Variants in TTC7B observed in about 807,000 individuals in gnomAD.
The protein encoded by TTC7B is tetratricopeptide repeat domain 7B, also known as tetratricopeptide repeat protein 7B.
A neutral mutation model predicts 106.8 loss-of-function variants in TTC7B; 28 were observed. The observed-to-expected ratio is 0.26, with a 90% confidence interval of 0.19 to 0.36. TTC7B has a LOEUF of 0.36. TTC7B is among the 10% of genes least tolerant of loss of function. The pLI is 1.00. For synonymous variants in TTC7B, 405 were observed against 430.6 expected, an observed-to-expected ratio of 0.94 and a Z score of 0.74; for missense variants, 862 against 1,076.4, an observed-to-expected ratio of 0.80 and a Z score of 2.79.
chr14:90,707,045 T>C (rs978078462), intron 5 of TTC7B, among the ~76,000 whole-genome samples: 1 of 152,232 alleles, frequency 6.6e-6, no homozygotes, highest in Admixed American at 6.5e-5. Context: ...AATCTGCTTT[T>C]TCCTTTCTTC....
chr14:90,654,204 C>A (rs191176841), intron 12 of TTC7B, among the ~76,000 whole-genome samples: 24 of 152,198 alleles, frequency 1.6e-4, no homozygotes, highest in African/African-American at 5.3e-4. Flanking sequence ...GGAGGGCTCC[C>A]CAGGGGGCTG....
At chr14:90,574,647 CTT>C (rs1451068252) in intron 19 of TTC7B, among the ~76,000 whole-genome samples, 1 of 152,230 alleles carries the variant, frequency 6.6e-6, no homozygotes, top group Non-Finnish European at 1.5e-5. Context: ...TGCATTTCTG[CTT>C]AAGCCATAGC....
intron 19 of TTC7B, among the ~76,000 whole-genome samples, chr14:90,550,655 G>A (rs944027153): frequency 9.9e-5 from 15 of 152,168 alleles, no homozygotes; most frequent in African/African-American, 1.9e-4. Flanking sequence ...TAGTGACTCC[G>A]AGAGGAGGGG....
At position 90,647,254 on chromosome 14, in the gene TTC7B, C is replaced by T. The variant is rs1885499914; in HGVS notation, c.1518-231G>A. Reference sequence around the variant, plus strand: ...GAGTGCATTTCTGTGTTTTGTCTAGCATCTAAAATGGCAGCTGAAGCTTGT... The same window carrying T: ...GAGTGCATTTCTGTGTTTTGTCTAGTATCTAAAATGGCAGCTGAAGCTTGT... On this transcript the variant is annotated intron_variant, in intron 13 of 19. Transcript: ENST00000328459. 6 of 481,372 alleles carry T rather than the reference C, an allele frequency of 1.2e-5. No individual in the cohort carries two copies. The South Asian group carries it at 1.4e-4, about 12-fold the overall frequency. 29.8% of individuals were successfully genotyped at this position (481,372 alleles called of 1,614,324 possible).
At chr14:90,781,229 C>A (rs1217202899) in intron 2 of TTC7B, among the ~76,000 whole-genome samples, 2 of 152,166 alleles carry the variant, frequency 1.3e-5, no homozygotes, top group Non-Finnish European at 2.9e-5. Flanking sequence ...TTGTATGCTT[C>A]CACGTGTATG....
chr14:90,758,586 C>T (rs940164976), intron 3 of TTC7B, among the ~76,000 whole-genome samples: 6 of 152,226 alleles, frequency 3.9e-5, no homozygotes, highest in Non-Finnish European at 8.8e-5. Context: ...CGACCCCTGG[C>T]GGCGGCTGCC....
chr14:90,572,421 A>C (rs1891070580), intron 19 of TTC7B, among the ~76,000 whole-genome samples: 1 of 152,200 alleles, frequency 6.6e-6, no homozygotes, highest in African/African-American at 2.4e-5. Context: ...CCATCTCCCA[A>C]ACCTACCATC....
rs36223089 is a variant in TTC7B at position 90,798,709 on chromosome 14, C to CAA, written c.122-12383_122-12382dup. Among the ~76,000 whole-genome samples, 282 of 51,484 alleles carry CAA rather than the reference C, an allele frequency of 5.5e-3. 5 individuals are homozygous for CAA. Among genetic ancestry groups the CAA allele is most frequent in the Middle Eastern group, 0.017 (1 of 58 alleles). 33.8% of individuals were successfully genotyped at this position (51,484 alleles called of 152,430 possible). A position where few individuals can be genotyped will look rare whatever the true frequency, so the allele number is the denominator to read the frequency against. The stretch of plus-strand genomic sequence containing the variant: ...TGGGCGACAGAGTGAGACTCCATCT[C>CAA]AAAAAAAAAAAAAAAAAAAAAAACA... On this transcript the variant is annotated intron_variant, in intron 1 of 19. Coordinates refer to ENST00000328459, the MANE Select transcript of TTC7B (RefSeq NM_001010854.2).
chr14:90,627,304 G>A (rs1476144047), intron 15 of TTC7B, among the ~76,000 whole-genome samples: 1 of 152,110 alleles, frequency 6.6e-6, no homozygotes, highest in Non-Finnish European at 1.5e-5. Flanking sequence ...CACATTTAAT[G>A]TCTCCAGCTG....
At chr14:90,661,705 C>T (rs1001158028) in intron 9 of TTC7B, among the ~76,000 whole-genome samples, 1 of 152,140 alleles carries the variant, frequency 6.6e-6, no homozygotes. Context: ...CTTCAATATA[C>T]TTAGTAAGTA....
chr14:90,546,085 AG>A (rs1374075292), intron 19 of TTC7B, among the ~76,000 whole-genome samples: 1 of 152,220 alleles, frequency 6.6e-6, no homozygotes, highest in African/African-American at 2.4e-5. Context: ...CTCCCCAGTG[AG>A]CCAGGAGCAG....
intron 6 of TTC7B, among the ~76,000 whole-genome samples, 188 bp downstream of exon 6, chr14:90,695,310 CAT>C (rs748135041): frequency 3.0e-5 from 4 of 131,162 alleles, no homozygotes; most frequent in Non-Finnish European, 5.0e-5. Context: ...ATATATGTCA[CAT>C]ATATTTATAA....
intron 15 of TTC7B, among the ~76,000 whole-genome samples, chr14:90,630,998 C>T (rs1232764372): frequency 6.6e-6 from 1 of 152,100 alleles, no homozygotes; most frequent in Non-Finnish European, 1.5e-5. Context: ...CCACGCCCAG[C>T]TAATTTTTTG....
intron 2 of TTC7B, among the ~76,000 whole-genome samples, chr14:90,782,067 C>T (rs1266576330): frequency 6.6e-6 from 1 of 152,298 alleles, no homozygotes; most frequent in East Asian, 1.9e-4. Context: ...GATGAGTGGA[C>T]AACACGGCCA....
intron 1 of TTC7B, among the ~76,000 whole-genome samples, chr14:90,796,211 G>T (rs1891770292): frequency 6.6e-6 from 1 of 152,172 alleles, no homozygotes; most frequent in Non-Finnish European, 1.5e-5. Flanking sequence ...CACTTGCTAG[G>T]ATTCTCAGGG....
chr14:90,571,941 C>G (rs556618087), intron 19 of TTC7B, among the ~76,000 whole-genome samples: 11 of 152,216 alleles, frequency 7.2e-5, no homozygotes, highest in Non-Finnish European at 1.3e-4. Flanking sequence ...GAGGAGCCCC[C>G]TGGGAAGTTC....
At chr14:90,546,525 G>T (rs547348083) in intron 19 of TTC7B, among the ~76,000 whole-genome samples, 1 of 152,060 alleles carries the variant, frequency 6.6e-6, no homozygotes, top group African/African-American at 2.4e-5. Flanking sequence ...AGCTGCTGTC[G>T]GTCAGCTTGG....
chr14:90,524,829 A>G lies in TTC7B; in HGVS notation c.*16539T>C, dbSNP rs1034670607. ...TGCAAGGCACACGGGGATCCCCCACATTGCAGGTGGGGAGACTGAGGCCAG... is the reference window on the plus strand; with the variant it reads ...TGCAAGGCACACGGGGATCCCCCACGTTGCAGGTGGGGAGACTGAGGCCAG... On this transcript the variant is annotated 3_prime_UTR_variant, in exon 20 of 20. Transcript: ENST00000328459. 2.0e-5 allele frequency: 3 copies of G among 151,622 alleles called. No individual in the cohort carries two copies. Among genetic ancestry groups the G allele is most frequent in the Non-Finnish European group, 2.9e-5 (2 of 67,914 alleles). The allele number at this position is 151,622 out of a possible 1,614,324, so 9.4% of individuals were successfully genotyped here. A position where few individuals can be genotyped will look rare whatever the true frequency, so the allele number is the denominator to read the frequency against.
At chr14:90,797,597 CTG>C (rs1390473002) in intron 1 of TTC7B, among the ~76,000 whole-genome samples, 1 of 152,022 alleles carries the variant, frequency 6.6e-6, no homozygotes, top group Non-Finnish European at 1.5e-5. Context: ...ACAGACACTG[CTG>C]TGTCATGCTG....
Sources: gnomAD v4.1 joint callset for allele counts (sites outside exome capture counted in the v4.1 genomes callset) on GRCh38, gnomAD v4.1.1 for gene constraint, MANE v1.5 for transcripts, NCBI Gene and HGNC (gene_info 2026-07-23, HGNC 2026-07-21) for gene names.